Variants in PDE1C observed in about 807,000 individuals in gnomAD.
PDE1C encodes phosphodiesterase 1C, also known as dual specificity calcium/calmodulin-dependent 3',5'-cyclic nucleotide phosphodiesterase 1C.
A neutral mutation model predicts 93.1 loss-of-function variants in PDE1C; 62 were observed. The observed-to-expected ratio is 0.67, with a 90% CI of 0.54 to 0.82. The LOEUF is 0.82. PDE1C is among the 40% of genes least tolerant of loss of function. The pLI is 0.00. For missense variants in PDE1C, 742 were observed against 884.6 expected, an observed-to-expected ratio of 0.84 and a Z score of 2.04; for synonymous variants, 325 against 310.1, an observed-to-expected ratio of 1.05 and a Z score of -0.50.
chr7:31,644,131 C>T, the PDE1C span, among the ~76,000 whole-genome samples: 9 of 152,302 alleles, frequency 5.9e-5, no homozygotes, highest in East Asian at 1.7e-3. Context: ...CACATTTCTT[C>T]TCGATACTTC....
In PDE1C at chr7:31,793,138, C is replaced by T. The variant is rs552471025; in HGVS notation, c.1891+15893G>A. The stretch of plus-strand genomic sequence containing the variant: ...AAACAATGTGGCCTTATTTATGGTA[C>T]CATGCTGCTCCCAAAGGTAAGTGCA... On this transcript the variant is annotated intron_variant, in intron 16 of 17. Coordinates refer to ENST00000396191, the MANE Select transcript of PDE1C (RefSeq NM_001191057.4). Among the ~76,000 whole-genome samples the T allele has an allele frequency of 1.3e-5, 2 of 152,048 alleles. 1 individual carries two copies. Among genetic ancestry groups the T allele is most frequent in the South Asian group, 4.1e-4 (2 of 4,820 alleles).
At chr7:31,745,952 C>G in the PDE1C span, among the ~76,000 whole-genome samples, 1 of 152,130 alleles carries the variant, frequency 6.6e-6, no homozygotes, top group Non-Finnish European at 1.5e-5. Context: ...GACCTTTGAG[C>G]AAGGTGTCAG....
intron 3 of PDE1C, among the ~76,000 whole-genome samples, chr7:32,117,947 G>A (rs1799075974): frequency 6.6e-6 from 1 of 152,192 alleles, no homozygotes; most frequent in South Asian, 2.1e-4. Flanking sequence ...ATCCTTGAGG[G>A]CTGGTTTCTG....
At chr7:31,706,304 C>T in the PDE1C span, among the ~76,000 whole-genome samples, 5 of 151,994 alleles carry the variant, frequency 3.3e-5, no homozygotes, top group Admixed American at 3.3e-4. Flanking sequence ...CACACCCGGC[C>T]CAGTAAATTT....
At chr7:32,139,211 C>A (rs1800375795) in intron 3 of PDE1C, among the ~76,000 whole-genome samples, 1 of 151,398 alleles carries the variant, frequency 6.6e-6, no homozygotes. Flanking sequence ...TCACGGCTCA[C>A]TGCAACCTTG....
intron 1 of PDE1C, among the ~76,000 whole-genome samples, chr7:32,308,709 T>G (rs1220448427): frequency 2.0e-4 from 31 of 152,200 alleles, no homozygotes; most frequent in African/African-American, 7.0e-4. Flanking sequence ...GAAGGAAAAC[T>G]AACAAACAGA....
chr7:31,634,985 G>A, the PDE1C span, among the ~76,000 whole-genome samples: 20 of 152,286 alleles, frequency 1.3e-4, 1 homozygote, highest in South Asian at 4.1e-3. Context: ...GGATTGGCCA[G>A]GCGTGCTGGT....
At chr7:32,365,630 C>G (rs902358897) in intron 1 of PDE1C, among the ~76,000 whole-genome samples, 1 of 152,176 alleles carries the variant, frequency 6.6e-6, no homozygotes, top group African/African-American at 2.4e-5. Context: ...TCCTGTGAGG[C>G]AAGCTCCCAG....
chr7:32,210,104 C>T (rs1037773598), intron 1 of PDE1C, among the ~76,000 whole-genome samples: 8 of 152,326 alleles, frequency 5.3e-5, no homozygotes, highest in East Asian at 1.9e-4. Flanking sequence ...GAAACCTTAC[C>T]CCTAAAGCTT....
intron 1 of PDE1C, among the ~76,000 whole-genome samples, chr7:32,340,909 A>T (rs1783734448): frequency 6.6e-6 from 1 of 152,186 alleles, no homozygotes; most frequent in East Asian, 1.9e-4. Context: ...TATTCTGCAT[A>T]ATCCTCTAAT....
chr7:31,836,531 C>T (rs1381929678), intron 11 of PDE1C, among the ~76,000 whole-genome samples: 3 of 152,074 alleles, frequency 2.0e-5, no homozygotes, highest in African/African-American at 7.2e-5. Context: ...GATGGGGTTT[C>T]ACCATCTTGG....
At chr7:32,117,520 C>A (rs1283873230) in intron 3 of PDE1C, among the ~76,000 whole-genome samples, 2 of 152,060 alleles carry the variant, frequency 1.3e-5, no homozygotes, top group African/African-American at 4.8e-5. Flanking sequence ...AGTATAGAAC[C>A]CTTTCTCCTC....
At chr7:31,666,843 T>C in the PDE1C span, among the ~76,000 whole-genome samples, 1 of 152,190 alleles carries the variant, frequency 6.6e-6, no homozygotes, top group Non-Finnish European at 1.5e-5. Flanking sequence ...ACCAGATGTA[T>C]GTTGTTTACC....
intron 3 of PDE1C, among the ~76,000 whole-genome samples, chr7:32,115,302 G>C (rs946962117): frequency 6.6e-6 from 1 of 152,162 alleles, no homozygotes; most frequent in Non-Finnish European, 1.5e-5. Flanking sequence ...AAAAGAATGA[G>C]ATTATGTTCT....
At chr7:32,247,693 C>T (rs975061389) in intron 1 of PDE1C, among the ~76,000 whole-genome samples, 4 of 152,162 alleles carry the variant, frequency 2.6e-5, no homozygotes, top group African/African-American at 9.7e-5. Context: ...ACATGAGATA[C>T]TCAACACTGT....
intron 2 of PDE1C, among the ~76,000 whole-genome samples, chr7:32,049,733 C>G (rs1386703837): frequency 6.6e-6 from 1 of 151,846 alleles, no homozygotes; most frequent in Non-Finnish European, 1.5e-5. Context: ...TCCATAACAC[C>G]CAAGTCAAGT....
rs563075827 is a variant in PDE1C at position 32,395,366 on chromosome 7, T to C, written c.310+32456A>G. 7.9e-5 allele frequency among the ~76,000 whole-genome samples: 12 copies of C among 152,094 alleles called. No individual in the cohort carries two copies. In the South Asian group the frequency reaches 2.3e-3, roughly 29 times the overall value. On this transcript the variant is annotated intron_variant, in intron 1 of 1. Coordinates refer to the PDE1C transcript ENST00000672256. ...TGAGTTTACAGAGAAAAGTAAAAGA[T>C]TTCCAGAAAGATGAGGGGGGCAAGA...
intron 2 of PDE1C, among the ~76,000 whole-genome samples, chr7:32,023,034 G>C (rs1788904892): frequency 6.7e-6 from 1 of 148,760 alleles, no homozygotes; most frequent in Non-Finnish European, 1.5e-5. Flanking sequence ...TTTCCTATTT[G>C]CTCCCAACGA....
chr7:32,293,462 C>A lies in PDE1C; in HGVS notation c.85+5189G>T, dbSNP rs75934364. Among the ~76,000 whole-genome samples the A allele has an allele frequency of 4.7e-3, 709 of 152,276 alleles. 7 individuals carry two copies. The highest frequency in any genetic ancestry group is 0.016 in the African/African-American group (672 of 41,544). On this transcript the variant is annotated intron_variant, in intron 1 of 18. Coordinates refer to the PDE1C transcript ENST00000396193. Reference sequence around the variant, plus strand: ...GTGAAGTGGCATACACCGGTTTTAACCAGCATTAACTTTCCCTAATAACAG... The same window carrying A: ...GTGAAGTGGCATACACCGGTTTTAAACAGCATTAACTTTCCCTAATAACAG...
Sources: allele counts gnomAD v4.1 joint callset (sites outside exome capture counted in the v4.1 genomes callset), GRCh38; gene constraint gnomAD v4.1.1; transcripts MANE v1.5; gene names NCBI Gene and HGNC (gene_info 2026-07-23, HGNC 2026-07-21).